The following MTDH variants were observed in gnomAD, a reference collection of about 807,000 sequenced individuals.
MTDH encodes protein LYRIC.
In MTDH, 34 loss-of-function variants were observed where a neutral mutation model predicts 72.7. That is an observed-to-expected ratio of 0.47 (90% CI 0.36 to 0.62). The LOEUF is 0.62. Ranked by LOEUF, MTDH falls within the 20% of genes least tolerant of loss-of-function variation. MTDH has a pLI of 0.00. For synonymous variants in MTDH, 266 were observed against 268.9 expected (o/e 0.99, Z 0.10); for missense variants, 677 against 699.4 (o/e 0.97, Z 0.36).
At chr8:97,698,113 A>G (rs1406484030) in intron 6 of MTDH, among the ~76,000 whole-genome samples, 1 of 152,264 alleles carries the variant, frequency 6.6e-6, no homozygotes, top group Non-Finnish European at 1.5e-5. Context: ...TCTGTAACCA[A>G]GAAGAAATTT....
intron 7 of MTDH, 80 bp from the exon 8 acceptor site, chr8:97,706,546 G>C: frequency 7.4e-7 from 1 of 1,351,892 alleles, no homozygotes; most frequent in Non-Finnish European, 9.8e-7. Context: ...CAGCTTAGTT[G>C]AACATAAGGA....
At chr8:97,680,055 G>A (rs938208536) in intron 2 of MTDH, among the ~76,000 whole-genome samples, 1 of 152,016 alleles carries the variant, frequency 6.6e-6, no homozygotes, top group African/African-American at 2.4e-5. Context: ...ATTTATCAAA[G>A]CCTTTTCGTC....
intron 2 of MTDH, among the ~76,000 whole-genome samples, chr8:97,663,339 T>TA (rs1428880245): frequency 6.6e-6 from 1 of 152,206 alleles, no homozygotes; most frequent in Non-Finnish European, 1.5e-5. Context: ...GACATTTACT[T>TA]ACTTAAGTAT....
chr8:97,682,274 A>T (rs1409285621), intron 2 of MTDH, among the ~76,000 whole-genome samples: 182 of 5,206 alleles, frequency 0.035, 21 homozygotes, highest in East Asian at 0.34. Flanking sequence ...ATATATATAT[A>T]TATATATTTT....
intron 1 of MTDH, among the ~76,000 whole-genome samples, chr8:97,659,298 A>AC (rs34969034): frequency 0.21 from 32,039 of 152,114 alleles, 3,638 homozygotes; most frequent in East Asian, 0.38. Flanking sequence ...ATGCATAAAT[A>AC]ACAGAAGAGG....
rs1217163500 is a variant in MTDH, at chr8:97,718,199, C to T, written c.1381-850C>T. 3.3e-5 allele frequency among the ~76,000 whole-genome samples: 5 copies of T among 151,898 alleles called. No individual in the cohort carries two copies. The South Asian group carries it at 1.0e-3, about 32-fold the overall frequency. On this transcript the variant is annotated intron_variant, in intron 9 of 11. Coordinates refer to ENST00000336273, the MANE Select transcript of MTDH (RefSeq NM_178812.4). ...CTGGGATTACAGGCGTGCGCCACCA[C>T]ACCCAGCTAATTTTTGTATTTTTAT...
rs1328782133 is a variant in MTDH, at chr8:97,729,688, A to T, written c.*5018A>T. On this transcript the variant is annotated 3_prime_UTR_variant, in exon 12 of 12. Coordinates refer to ENST00000336273, the MANE Select transcript of MTDH (RefSeq NM_178812.4). ...GTTTTTTGTTTTTTTCTAGAGACAG[A>T]GTCTCGTTGCCCAGGCTGGTCTCCA... is the stretch of plus-strand genomic sequence containing the variant. 6.6e-6 allele frequency among the ~76,000 whole-genome samples: 1 copy of T among 151,688 alleles called. No individual in the cohort carries two copies.
chr8:97,706,707 C>A lies in MTDH; in HGVS notation c.1229C>A (p.Ala410Asp). The A allele has an allele frequency of 6.2e-7, 1 of 1,613,896 alleles. No individual in the cohort carries two copies. The highest frequency in any genetic ancestry group is 8.5e-7 in the Non-Finnish European group (1 of 1,179,932). ...EWGNWVDEER[A>D]SLLKSQEPIP... ...GGCAATTGGGTAGACGAAGAAAGAG[C>A]TTCACTTCTAAAGTCCCAGGAACCA... is the stretch of plus-strand genomic sequence containing the variant. Residue 410 changes from alanine (A) to aspartate (D), a missense_variant, in exon 8 of 12, where the codon GCT becomes GAT. Coordinates refer to ENST00000336273, the MANE Select transcript of MTDH (RefSeq NM_178812.4).
intron 2 of MTDH, among the ~76,000 whole-genome samples, chr8:97,677,991 C>T (rs150166695): frequency 0.011 from 1,645 of 152,266 alleles, 10 homozygotes; most frequent in Non-Finnish European, 0.018. Flanking sequence ...TGCATTCATT[C>T]ATTAGCATAT....
chr8:97,711,580 C>T (rs1814638672), intron 8 of MTDH, among the ~76,000 whole-genome samples: 1 of 152,044 alleles, frequency 6.6e-6, no homozygotes, highest in African/African-American at 2.4e-5. Flanking sequence ...GTTAAAAAAC[C>T]ATAATACTGT....
intron 2 of MTDH, among the ~76,000 whole-genome samples, chr8:97,682,281 T>TATATATA (rs1813168312): frequency 4.2e-4 from 1 of 2,362 alleles, no homozygotes; most frequent in African/African-American, 1.4e-3. Flanking sequence ...TATATATATA[T>TATATATA]TTTTTTTTTT....
chr8:97,685,048 A>G (rs1813306386), intron 2 of MTDH, among the ~76,000 whole-genome samples: 1 of 152,234 alleles, frequency 6.6e-6, no homozygotes, highest in African/African-American at 2.4e-5. Context: ...CCTGGGTGAC[A>G]GAGCGAGACT....
intron 5 of MTDH, among the ~76,000 whole-genome samples, chr8:97,689,435 A>G (rs1813494492): frequency 6.6e-6 from 1 of 151,572 alleles, no homozygotes; most frequent in African/African-American, 2.4e-5. Flanking sequence ...TATAGCATAT[A>G]TCGGATAAAA....
At chr8:97,693,000 G>A (rs1054769226) in intron 6 of MTDH, among the ~76,000 whole-genome samples, 4 of 152,150 alleles carry the variant, frequency 2.6e-5, no homozygotes, top group African/African-American at 9.7e-5. Flanking sequence ...CCAAAGTGCT[G>A]GGATTACAGG....
intron 8 of MTDH, among the ~76,000 whole-genome samples, chr8:97,709,193 CAAA>C (rs56931322): frequency 5.3e-5 from 4 of 75,026 alleles, no homozygotes; most frequent in Non-Finnish European, 6.1e-5. Flanking sequence ...GACTCCATCT[CAAA>C]AAAAAAAAAA....
At chr8:97,665,522 T>C (rs1271685939) in intron 2 of MTDH, among the ~76,000 whole-genome samples, 1 of 152,142 alleles carries the variant, frequency 6.6e-6, no homozygotes, top group African/African-American at 2.4e-5. Context: ...TACAAGGCAT[T>C]AAGTGCTGGA....
intron 7 of MTDH, among the ~76,000 whole-genome samples, chr8:97,702,046 ATTAC>A (rs1814151864): frequency 6.6e-6 from 1 of 152,168 alleles, no homozygotes. Context: ...GAATTTAGTT[ATTAC>A]TTCTGAATTT....
chr8:97,700,731 T>C lies in MTDH; in HGVS notation c.1147+879T>C, dbSNP rs188251392. ...TTCCACACTTTCCAGATGAAAAAGTTGTGACAAGGGAAAGTTATCTAGCTT... is the reference window on the plus strand; with the variant it reads ...TTCCACACTTTCCAGATGAAAAAGTCGTGACAAGGGAAAGTTATCTAGCTT... On this transcript the variant is annotated intron_variant, in intron 7 of 11. Coordinates refer to ENST00000336273, the MANE Select transcript of MTDH (RefSeq NM_178812.4). Among the ~76,000 whole-genome samples, 149 of 152,376 alleles carry C rather than the reference T, an allele frequency of 9.8e-4. 3 individuals carry two copies. The South Asian group carries it at 0.018, about 18-fold the overall frequency.
At chr8:97,680,922 G>A (rs1413108146) in intron 2 of MTDH, among the ~76,000 whole-genome samples, 2 of 152,152 alleles carry the variant, frequency 1.3e-5, no homozygotes, top group Non-Finnish European at 2.9e-5. Flanking sequence ...CTTTTAAGAA[G>A]CTTATTATTA....
Sources: allele counts gnomAD v4.1 joint callset (sites outside exome capture counted in the v4.1 genomes callset), GRCh38; gene constraint gnomAD v4.1.1; transcripts MANE v1.5; gene names NCBI Gene and HGNC (gene_info 2026-07-23, HGNC 2026-07-21).